MRPL13: variants seen among roughly 807,000 people sequenced by gnomAD.
The protein encoded by MRPL13 is large ribosomal subunit protein uL13m.
In MRPL13, 33 loss-of-function variants were observed where a neutral mutation model predicts 29.0. The observed-to-expected ratio is 1.14, with a 90% CI of 0.86 to 1.52. The LOEUF is 1.52. Among genes scored for constraint, MRPL13 ranks in the 40% most tolerant of loss-of-function variants. The pLI, the probability that MRPL13 is intolerant of heterozygous loss-of-function variation, is 0.00. For missense variants in MRPL13, 227 were observed against 216.7 expected (o/e 1.05, Z -0.30); for synonymous variants, 77 against 68.4 (o/e 1.13, Z -0.62).
In MRPL13 at chr8:120,419,919, T is replaced by C; in HGVS notation, c.326A>G (p.Tyr109Cys). 6.3e-7 allele frequency: 1 copy of C among 1,592,574 alleles called. No individual in the cohort carries two copies. The change falls in exon 5 of 7, where the codon TAT (tyrosine) becomes TGT (cysteine). Residue 109 changes from tyrosine (Y) to cysteine (C), a missense_variant. Coordinates refer to ENST00000306185, the MANE Select transcript of MRPL13 (RefSeq NM_014078.6). ...DPVAIVKLAI[Y>C]GMLPKNLHRR... ...GTGAAGGTTTTTTGGCAGCATGCCATAAATAGCTAGTTTTACAATCTGAAA... is the reference window on the plus strand; with the variant it reads ...GTGAAGGTTTTTTGGCAGCATGCCACAAATAGCTAGTTTTACAATCTGAAA...
intron 2 of MRPL13, among the ~76,000 whole-genome samples, chr8:120,438,912 G>A (rs1361045420): frequency 6.6e-6 from 1 of 152,080 alleles, no homozygotes; most frequent in Non-Finnish European, 1.5e-5. Context: ...CTATTTTTCT[G>A]GTCTGCCAAA....
chr8:120,422,617 CTT>C (rs1016613830), intron 4 of MRPL13, among the ~76,000 whole-genome samples: 15 of 147,758 alleles, frequency 1.0e-4, no homozygotes, highest in African/African-American at 2.2e-4. Context: ...TATATATAAA[CTT>C]ATATATTTAT....
intron 4 of MRPL13, among the ~76,000 whole-genome samples, chr8:120,424,562 T>C (rs1368643688): frequency 6.6e-6 from 1 of 151,980 alleles, no homozygotes; most frequent in Non-Finnish European, 1.5e-5. Context: ...CCCATGAGTT[T>C]GAGACAAGCT....
At chr8:120,427,419 T>C (rs746702379) in intron 3 of MRPL13, among the ~76,000 whole-genome samples, 1 of 152,172 alleles carries the variant, frequency 6.6e-6, no homozygotes, top group Non-Finnish European at 1.5e-5. Context: ...CAGGGATTTA[T>C]TTTAAATAAT....
intron 5 of MRPL13, among the ~76,000 whole-genome samples, chr8:120,418,438 A>G (rs1479701437): frequency 6.6e-6 from 1 of 152,056 alleles, no homozygotes; most frequent in Non-Finnish European, 1.5e-5. Context: ...TACCTAATTA[A>G]TTCCCAGGAT....
intron 2 of MRPL13, among the ~76,000 whole-genome samples, chr8:120,434,926 CTTAA>C (rs1813035985): frequency 6.6e-6 from 1 of 152,126 alleles, no homozygotes; most frequent in Non-Finnish European, 1.5e-5. Context: ...GCTGCAGACT[CTTAA>C]TTATAGATCC....
chr8:120,399,157 A>T (rs1342788511), intron 6 of MRPL13, among the ~76,000 whole-genome samples: 1 of 152,182 alleles, frequency 6.6e-6, no homozygotes, highest in African/African-American at 2.4e-5. Context: ...CCAGTAAGGT[A>T]CTCCATGAGA....
intron 6 of MRPL13, among the ~76,000 whole-genome samples, chr8:120,401,691 T>C (rs1440602435): frequency 6.6e-6 from 1 of 152,002 alleles, no homozygotes; most frequent in African/African-American, 2.4e-5. Context: ...GGTATTCAAA[T>C]AGGGAGAGAA....
intron 5 of MRPL13, among the ~76,000 whole-genome samples, chr8:120,419,290 T>A (rs1812841293): frequency 6.6e-6 from 1 of 151,994 alleles, no homozygotes; most frequent in Non-Finnish European, 1.5e-5. Flanking sequence ...ATAGAAGCTT[T>A]AATATTTCAT....
intron 3 of MRPL13, 110 bp from the exon 4 acceptor site, chr8:120,425,476 C>T: frequency 1.4e-6 from 1 of 731,120 alleles, no homozygotes; most frequent in East Asian, 2.9e-5. Flanking sequence ...CTCGAAACTG[C>T]TTTTCATTAG....
chr8:120,411,774 C>T (rs914111731), intron 6 of MRPL13, among the ~76,000 whole-genome samples: 3 of 151,994 alleles, frequency 2.0e-5, no homozygotes, highest in African/African-American at 2.4e-5. Context: ...AAAATCTATT[C>T]CCAGAGTAGT....
At chr8:120,431,545 C>T (rs11984927) in intron 3 of MRPL13, among the ~76,000 whole-genome samples, 84,856 of 151,998 alleles carry the variant, frequency 0.56, 25,700 homozygotes, top group Non-Finnish European at 0.67. Context: ...TCTATTGCAA[C>T]AGAAGATTGC....
At chr8:120,408,587 C>G (rs570183571) in intron 6 of MRPL13, among the ~76,000 whole-genome samples, 3 of 152,234 alleles carry the variant, frequency 2.0e-5, no homozygotes, top group South Asian at 2.1e-4. Context: ...CTGTGAAGAG[C>G]AGCAAATTAA....
intron 2 of MRPL13, among the ~76,000 whole-genome samples, chr8:120,442,572 T>A (rs1813136244): frequency 6.6e-6 from 1 of 152,184 alleles, no homozygotes; most frequent in African/African-American, 2.4e-5. Context: ...GCAAATGCTG[T>A]TGACAAGTCA....
chr8:120,416,606 G>C (rs1301224284), intron 5 of MRPL13, among the ~76,000 whole-genome samples: 2 of 152,130 alleles, frequency 1.3e-5, no homozygotes, highest in Non-Finnish European at 2.9e-5. Context: ...GGGGTCAAGT[G>C]ATCACTTTTT....
intron 2 of MRPL13, among the ~76,000 whole-genome samples, chr8:120,438,049 C>T (rs1028789290): frequency 2.0e-5 from 3 of 152,098 alleles, no homozygotes; most frequent in Non-Finnish European, 4.4e-5. Flanking sequence ...AGAAGTTTTG[C>T]TAATATGTTA....
At chr8:120,400,738 AAAT>A (rs869168614) in intron 6 of MRPL13, among the ~76,000 whole-genome samples, 347 of 93,270 alleles carry the variant, frequency 3.7e-3, no homozygotes, top group African/African-American at 0.014. Flanking sequence ...ATAAATAAAT[AAAT>A]AAAAAAAATA....
chr8:120,428,146 AAC>A lies in MRPL13; in HGVS notation c.246-2782_246-2781del, dbSNP rs1404999975. Among the ~76,000 whole-genome samples, 772 of 131,698 alleles carry A rather than the reference AAC, an allele frequency of 5.9e-3. 9 individuals are homozygous for A. Among genetic ancestry groups the A allele is most frequent in the Middle Eastern group, 0.012 (3 of 246 alleles). 86.4% of individuals were successfully genotyped at this position (131,698 alleles called of 152,430 possible). On this transcript the variant is annotated intron_variant, in intron 3 of 6. Coordinates refer to ENST00000306185, the MANE Select transcript of MRPL13 (RefSeq NM_014078.6). ...ACTGATAAAAAAAAAAAAAAAAAAA[AAC>A]CAGACACATACACCAGTGGAAAAAA...
chr8:120,422,903 T>C (rs1812890066), intron 4 of MRPL13, among the ~76,000 whole-genome samples: 1 of 151,800 alleles, frequency 6.6e-6, no homozygotes, highest in South Asian at 2.1e-4. Context: ...TTCCTGGAGA[T>C]GAAGTTTCAA....
Sources: allele counts gnomAD v4.1 joint callset (sites outside exome capture counted in the v4.1 genomes callset), GRCh38; gene constraint gnomAD v4.1.1; transcripts MANE v1.5; gene names NCBI Gene and HGNC (gene_info 2026-07-23, HGNC 2026-07-21).